The following AP2A2 variants were observed in gnomAD, a reference collection of about 807,000 sequenced individuals.
The protein encoded by AP2A2 is AP-2 complex subunit alpha-2.
A neutral mutation model predicts 104.2 loss-of-function variants in AP2A2; 32 were observed. The observed-to-expected ratio is 0.31, with a 90% confidence interval of 0.23 to 0.41. The LOEUF is 0.41. AP2A2 is among the 10% of genes least tolerant of loss of function. AP2A2 has a pLI of 1.00. For missense variants in AP2A2, 912 were observed against 1,261.0 expected, an observed-to-expected ratio of 0.72 and a Z score of 4.19; for synonymous variants, 539 against 533.3, an observed-to-expected ratio of 1.01 and a Z score of -0.15.
chr11:1,010,672 CTG>C lies in AP2A2; in HGVS notation c.*50_*51del. On this transcript the variant is annotated 3_prime_UTR_variant, in exon 22 of 22. Transcript: ENST00000448903. ...CTCGTGTGTCTTGTGTTGTCTTCGT[CTG>C]TGCCGTTTGTCTTCGTGGCCATCCT... 1 of 1,500,346 alleles carries C rather than the reference CTG, an allele frequency of 6.7e-7. No individual in the cohort carries two copies. Among genetic ancestry groups the C allele is most frequent in the Non-Finnish European group, 9.1e-7 (1 of 1,097,646 alleles). The allele number at this position is 1,500,346 out of a possible 1,614,324, so 92.9% of individuals were successfully genotyped here.
chr11:954,025 A>G (rs7395821), intron 1 of AP2A2, among the ~76,000 whole-genome samples: 77,092 of 151,672 alleles, frequency 0.51, 20,197 homozygotes, highest in Middle Eastern at 0.66. Flanking sequence ...AGTAGAGACG[A>G]GGTTTCACCA....
chr11:936,591 T>C (rs1204714351), intron 1 of AP2A2, among the ~76,000 whole-genome samples: 1 of 152,054 alleles, frequency 6.6e-6, no homozygotes, highest in Non-Finnish European at 1.5e-5. Context: ...TCTTGCTTTG[T>C]AGCCCAGGCT....
intron 9 of AP2A2, 43 bp from the exon 10 acceptor site, chr11:988,509 T>G: frequency 6.3e-7 from 1 of 1,595,008 alleles, no homozygotes; most frequent in Non-Finnish European, 8.5e-7. Context: ...CCCAAGCTTG[T>G]GCCTTGCTCC....
chr11:928,504 T>C (rs1001644809), intron 1 of AP2A2, among the ~76,000 whole-genome samples: 1 of 152,208 alleles, frequency 6.6e-6, no homozygotes, highest in Non-Finnish European at 1.5e-5. Flanking sequence ...AGACCAGACT[T>C]TCTCCAACTC....
At chr11:1,006,736 C>T (rs760141938) in intron 17 of AP2A2, 119 bp downstream of exon 17, 25 of 768,606 alleles carry the variant, frequency 3.3e-5, no homozygotes, top group Non-Finnish European at 5.0e-5. Flanking sequence ...ATTCCAGATG[C>T]TATATGAAAA....
At chr11:929,089 C>G (rs1023342353) in intron 1 of AP2A2, among the ~76,000 whole-genome samples, 1 of 152,216 alleles carries the variant, frequency 6.6e-6, no homozygotes, top group Non-Finnish European at 1.5e-5. Context: ...ATTAGAGGAA[C>G]AGCAAATAAT....
chr11:929,334 T>C (rs1853215464), intron 1 of AP2A2, among the ~76,000 whole-genome samples: 1 of 152,166 alleles, frequency 6.6e-6, no homozygotes, highest in Non-Finnish European at 1.5e-5. Context: ...CAGCCAAGGC[T>C]CTTGACCCTG....
intron 4 of AP2A2, among the ~76,000 whole-genome samples, chr11:974,922 T>C (rs7395795): frequency 0.51 from 77,009 of 151,918 alleles, 20,136 homozygotes; most frequent in Middle Eastern, 0.66. Context: ...GAGGCGGAGG[T>C]TGCAGTGAGC....
chr11:979,101 A>G (rs1278222028), intron 5 of AP2A2, among the ~76,000 whole-genome samples: 3 of 151,996 alleles, frequency 2.0e-5, no homozygotes, highest in African/African-American at 4.8e-5. Context: ...AGCTGCCACC[A>G]CAGGGGTGGG....
In AP2A2 at chr11:1,011,335, G is replaced by A. The variant is rs1180575173; in HGVS notation, c.*710G>A. 1 of 518,652 alleles carries A rather than the reference G, an allele frequency of 1.9e-6. No individual in the cohort carries two copies. The highest frequency in any genetic ancestry group is 3.8e-6 in the Non-Finnish European group (1 of 259,792). 32.1% of individuals were successfully genotyped at this position (518,652 alleles called of 1,614,324 possible). A position where few individuals can be genotyped will look rare whatever the true frequency, so the allele number is the denominator to read the frequency against. On this transcript the variant is annotated 3_prime_UTR_variant, in exon 22 of 22. Coordinates refer to ENST00000448903, the MANE Select transcript of AP2A2 (RefSeq NM_012305.4). ...AGGAGCGTCCTGCCGGCCCCGCAGGGCCCCCAGGACTCCAGGGTAAAGTGT... is the reference window on the plus strand; with the variant it reads ...AGGAGCGTCCTGCCGGCCCCGCAGGACCCCCAGGACTCCAGGGTAAAGTGT...
At chr11:988,881 G>A (rs972895885) in intron 10 of AP2A2, 192 bp downstream of exon 10, 18 of 731,020 alleles carry the variant, frequency 2.5e-5, no homozygotes, top group South Asian at 1.8e-5. Context: ...TGTGGTCCCC[G>A]CTACTCCTGA....
At chr11:985,622 A>G (rs969624411) in intron 8 of AP2A2, 40 bp downstream of exon 8, 5 of 1,612,392 alleles carry the variant, frequency 3.1e-6, no homozygotes, top group Non-Finnish European at 4.2e-6. Flanking sequence ...TCTCGCGCAC[A>G]CACACACGTT....
chr11:959,426 CT>C lies in AP2A2; in HGVS notation c.68-3del, dbSNP rs760078045. ...ATTAAAATAAAAATGGCTTTTTGTT[CT>C]TTTTTTTAGGTAAAAGTAAAGAAGC... On this transcript the variant is annotated splice_polypyrimidine_tract_variant and intron_variant, in intron 1 of 21. Transcript: ENST00000448903. 104 of 1,502,706 alleles carry C rather than the reference CT, an allele frequency of 6.9e-5. No homozygotes were observed. Among genetic ancestry groups the C allele is most frequent in the Admixed American group, 1.3e-4 (7 of 54,410 alleles). 93.1% of individuals were successfully genotyped at this position (1,502,706 alleles called of 1,614,324 possible).
intron 2 of AP2A2, among the ~76,000 whole-genome samples, chr11:964,304 G>A (rs1023431504): frequency 6.6e-6 from 1 of 152,194 alleles, no homozygotes; most frequent in African/African-American, 2.4e-5. Context: ...GGGGCATCAC[G>A]AACCATCCTG....
chr11:969,818 C>T (rs11246362), intron 2 of AP2A2, among the ~76,000 whole-genome samples: 76,990 of 152,046 alleles, frequency 0.51, 20,129 homozygotes, highest in Middle Eastern at 0.66. Flanking sequence ...TTGCAAGTTC[C>T]ATCACAGCAG....
chr11:993,915 C>T lies in AP2A2; in HGVS notation c.1712C>T (p.Ala571Val). The T allele has an allele frequency of 1.2e-6, 2 of 1,611,984 alleles. No homozygotes were observed. Among genetic ancestry groups the T allele is most frequent in the Non-Finnish European group, 1.7e-6 (2 of 1,179,770 alleles). ...CGCAGCGACAGCCAGCTCAGGAACGCAGACGTGGAGCTGCAGCAGCGTGCT... is the reference window on the plus strand; with the variant it reads ...CGCAGCGACAGCCAGCTCAGGAACGTAGACGTGGAGCTGCAGCAGCGTGCT... ...VLRSDSQLRNADVELQQRAVE... is the reference protein window; with the variant it reads ...VLRSDSQLRNVDVELQQRAVE... Residue 571 changes from alanine to valine, a missense_variant, in exon 13 of 22, where the codon GCA (alanine) becomes GTA (valine). Around this residue, in one of 7 missense-constraint regions of AP2A2, gnomAD observed 137 missense variants for 186.9 expected, o/e 0.73. Coordinates refer to ENST00000448903, the MANE Select transcript of AP2A2 (RefSeq NM_012305.4). This position sits in a 1 kb window ranked among gnomAD's most constrained non-coding sequence, Gnocchi z 8.2.
Position 928,758 on chromosome 11 carries a change from G to C in AP2A2, c.67+2670G>C, listed in dbSNP as rs145233267. Among the ~76,000 whole-genome samples, 146 of 152,292 alleles carry C rather than the reference G, an allele frequency of 9.6e-4. 3 individuals are homozygous for C. The East Asian group carries it at 0.019, about 20-fold the overall frequency. ...GAAGGGGTGCTTAGTCCTAGCTGGG[G>C]GAGCCAGGTCTCTTTAATACGGCCC... On this transcript the variant is annotated intron_variant, in intron 1 of 21. Transcript: ENST00000448903.
At chr11:1,001,617 G>A (rs1053731653) in intron 15 of AP2A2, among the ~76,000 whole-genome samples, 8 of 152,072 alleles carry the variant, frequency 5.3e-5, no homozygotes, top group Non-Finnish European at 8.8e-5. Flanking sequence ...GCAGGTCGCC[G>A]CTTGGGCTGA....
chr11:940,868 G>A (rs1853623423), intron 1 of AP2A2: 1 of 456,236 alleles, frequency 2.2e-6, no homozygotes, highest in Middle Eastern at 3.3e-4. Context: ...TTCTTCCAGA[G>A]GACTCTCGAC....
Sources: allele counts gnomAD v4.1 joint callset (sites outside exome capture counted in the v4.1 genomes callset), GRCh38; gene constraint gnomAD v4.1.1; regional missense constraint gnomAD v4.1.1; non-coding constraint Gnocchi (gnomAD v3.1); transcripts MANE v1.5; gene names NCBI Gene and HGNC (gene_info 2026-07-23, HGNC 2026-07-21).